EXT1: variants seen among roughly 807,000 people sequenced by gnomAD.
EXT1 encodes exostosin glycosyltransferase 1, also known as exostosin-1.
EXT1 carries 20 observed loss-of-function variants against 82.5 expected under a neutral mutation model. The ratio of observed to expected loss-of-function variants is 0.24; its 90% CI spans 0.17 to 0.35. The LOEUF (loss-of-function observed/expected upper bound fraction) is 0.35. EXT1 is among the 10% of genes least tolerant of loss of function. The pLI, the probability that EXT1 is intolerant of heterozygous loss-of-function variation, is 1.00. For missense variants in EXT1, 757 were observed against 936.5 expected (o/e 0.81, Z 2.50); for synonymous variants, 348 against 350.8 (o/e 0.99, Z 0.09).
chr8:117,979,219 G>C (rs1006737633), intron 1 of EXT1, among the ~76,000 whole-genome samples: 7 of 151,858 alleles, frequency 4.6e-5, no homozygotes, highest in Admixed American at 2.0e-4. Flanking sequence ...CGGGCACTGG[G>C]GGGGTGCACC....
chr8:118,094,101 G>A (rs1174060848), intron 1 of EXT1, among the ~76,000 whole-genome samples: 3 of 152,178 alleles, frequency 2.0e-5, no homozygotes, highest in Admixed American at 2.0e-4. Context: ...TATCTCAGGT[G>A]ACCGACCCCC....
At chr8:118,037,836 GTT>G (rs58862041) in intron 1 of EXT1, among the ~76,000 whole-genome samples, 4 of 107,410 alleles carry the variant, frequency 3.7e-5, no homozygotes, top group African/African-American at 1.3e-4. Flanking sequence ...AGTGTTTTTT[GTT>G]TTTTTTTTTT....
chr8:118,093,182 C>A (rs1004885219), intron 1 of EXT1, among the ~76,000 whole-genome samples: 1 of 150,774 alleles, frequency 6.6e-6, no homozygotes, highest in African/African-American at 2.4e-5. Flanking sequence ...ACACTCCCCC[C>A]ACCCCCCAAA....
chr8:118,011,510 A>G (rs1183951557), intron 1 of EXT1, among the ~76,000 whole-genome samples: 1 of 152,226 alleles, frequency 6.6e-6, no homozygotes, highest in African/African-American at 2.4e-5. Flanking sequence ...GATCTGAGTC[A>G]CCATGCCTGG....
Position 117,799,775 on chromosome 8 carries a change from G to A in EXT1, c.2178C>T (p.Pro726=), listed in dbSNP as rs557560039. The change falls in exon 11 of 11, where the codon CCC becomes CCT. Residue 726 remains proline (P), a synonymous_variant. Coordinates refer to ENST00000378204, the MANE Select transcript of EXT1 (RefSeq NM_000127.3). ...TAGAGACCTGGTCTTTAAAGAGGAC[G>A]GGGTCGAGCCTCATCTGAGAGTGGA... ...PLIHSQMRLD[P]VLFKDQVSIL... The A allele has an allele frequency of 2.2e-4, 357 of 1,614,148 alleles. 6 individuals are homozygous for A. The South Asian group carries it at 3.2e-3, about 15-fold the overall frequency.
chr8:118,064,104 T>A (rs1372939668), intron 1 of EXT1, among the ~76,000 whole-genome samples: 2 of 152,192 alleles, frequency 1.3e-5, no homozygotes, highest in Non-Finnish European at 2.9e-5. Context: ...CCTTAGGTGA[T>A]CCATCCGCCT....
intron 1 of EXT1, among the ~76,000 whole-genome samples, chr8:117,858,840 GGAAGGAAAGAAAGAAAGAAA>G (rs1315615524): frequency 1.2e-4 from 7 of 58,322 alleles, no homozygotes; most frequent in African/African-American, 3.8e-4. Context: ...AAGGAAGGAA[GGAAGGAAAGAAAGAAAGAAA>G]GAAAGAAAGA....
intron 1 of EXT1, among the ~76,000 whole-genome samples, chr8:117,971,376 G>A (rs751706962): frequency 1.1e-4 from 17 of 152,056 alleles, no homozygotes; most frequent in South Asian, 2.1e-4. Context: ...AAACACAGCC[G>A]GGACTAAGGT....
chr8:118,013,615 C>G (rs1815946435), intron 1 of EXT1, among the ~76,000 whole-genome samples: 1 of 152,146 alleles, frequency 6.6e-6, no homozygotes, highest in South Asian at 2.1e-4. Context: ...GATGGATGGA[C>G]TTGGAGTCAG....
intron 1 of EXT1, among the ~76,000 whole-genome samples, chr8:117,906,953 A>G (rs991664976): frequency 6.6e-6 from 1 of 152,184 alleles, no homozygotes; most frequent in Non-Finnish European, 1.5e-5. Flanking sequence ...TTCCAAGCAG[A>G]GAAAGCAAAC....
chr8:117,978,301 C>T (rs1322125794), intron 1 of EXT1, among the ~76,000 whole-genome samples: 1 of 152,188 alleles, frequency 6.6e-6, no homozygotes, highest in Non-Finnish European at 1.5e-5. Context: ...ACTAAAACCA[C>T]ATTGTTACGC....
At chr8:117,910,023 C>T (rs1441718472) in intron 1 of EXT1, among the ~76,000 whole-genome samples, 1 of 152,170 alleles carries the variant, frequency 6.6e-6, no homozygotes, top group East Asian at 1.9e-4. Context: ...CCGTGCCGGC[C>T]TCCCAAAGCG....
chr8:118,064,662 G>A (rs536583536), intron 1 of EXT1, among the ~76,000 whole-genome samples: 29 of 151,970 alleles, frequency 1.9e-4, no homozygotes, highest in African/African-American at 5.8e-4. Flanking sequence ...TCTTTATAGC[G>A]GAATAATTTA....
chr8:118,044,045 T>G (rs1816579998), intron 1 of EXT1, among the ~76,000 whole-genome samples: 1 of 152,370 alleles, frequency 6.6e-6, no homozygotes, highest in Middle Eastern at 3.4e-3. Context: ...TCAAAAATTC[T>G]GCTTTGCCAG....
chr8:118,094,526 A>T (rs2468152), intron 1 of EXT1, among the ~76,000 whole-genome samples: 84,102 of 152,100 alleles, frequency 0.55, 25,373 homozygotes, highest in Middle Eastern at 0.71. Flanking sequence ...AACAGACAGA[A>T]TAATAATGAC....
chr8:117,984,451 A>AAAC lies in EXT1; in HGVS notation c.962+125633_962+125634insGTT, dbSNP rs201604384. 5.8e-4 allele frequency among the ~76,000 whole-genome samples: 85 copies of AAAC among 147,536 alleles called. 1 individual carries two copies. Among genetic ancestry groups the AAAC allele is most frequent in the East Asian group, 3.9e-3 (20 of 5,114 alleles). ...CTCAAAAACAAAACAAAACAAAACAAAAAAAAAAAACAAAGAAAAGAAAAG... is the reference window on the plus strand; with the variant it reads ...CTCAAAAACAAAACAAAACAAAACAAAACAAAAAAAAAACAAAGAAAAGAAAAG... On this transcript the variant is annotated intron_variant, in intron 1 of 10. Coordinates refer to ENST00000378204, the MANE Select transcript of EXT1 (RefSeq NM_000127.3).
intron 3 of EXT1, among the ~76,000 whole-genome samples, chr8:117,830,678 CA>C (rs2129773477): frequency 6.6e-6 from 1 of 152,286 alleles, no homozygotes; most frequent in East Asian, 1.9e-4. Context: ...CATGAACAAC[CA>C]AATTTTATAG....
At chr8:118,076,893 A>G (rs972361667) in intron 1 of EXT1, among the ~76,000 whole-genome samples, 4 of 149,986 alleles carry the variant, frequency 2.7e-5, no homozygotes, top group African/African-American at 9.8e-5. Context: ...GAGTAATAAT[A>G]AAATATTTCT....
Position 118,110,781 on chromosome 8 carries a change from T to G in EXT1, c.266A>C (p.Asn89Thr). The change falls in exon 1 of 11, where the codon AAC (asparagine) becomes ACC (threonine). Residue 89 changes from asparagine (N) to threonine (T), a missense_variant. By Grantham distance (65) the Asn-to-Thr change is moderately conservative. Coordinates refer to ENST00000378204, the MANE Select transcript of EXT1 (RefSeq NM_000127.3). ...CTTCTTGCCTTTGTAGATGCTGGAG[T>G]TGGCATCTCGCTTCTGCCGGGGGGA... ...HISPRQKRDA[N>T]SSIYKGKKCR... 1 of 1,613,642 alleles carries G rather than the reference T, an allele frequency of 6.2e-7. No individual in the cohort carries two copies. Among genetic ancestry groups the G allele is most frequent in the African/African-American group, 1.3e-5 (1 of 74,972 alleles).
Sources: gnomAD v4.1 joint callset for allele counts (sites outside exome capture counted in the v4.1 genomes callset) on GRCh38, gnomAD v4.1.1 for gene constraint, MANE v1.5 for transcripts, NCBI Gene and HGNC (gene_info 2026-07-23, HGNC 2026-07-21) for gene names.